The following PITPNC1 variants were observed in gnomAD, a reference collection of about 807,000 sequenced individuals.
PITPNC1 encodes phosphatidylinositol transfer protein cytoplasmic 1.
PITPNC1 carries 18 observed loss-of-function variants against 44.7 expected under a neutral mutation model. That is an observed-to-expected ratio of 0.40 (90% CI 0.28 to 0.60). PITPNC1 has a LOEUF of 0.60. Ranked by LOEUF, PITPNC1 falls within the 20% of genes least tolerant of loss-of-function variation. The pLI is 0.39. For missense variants in PITPNC1, 290 were observed against 418.4 expected (o/e 0.69, Z 2.68); for synonymous variants, 141 against 149.6 (o/e 0.94, Z 0.42).
intron 1 of PITPNC1, among the ~76,000 whole-genome samples, chr17:67,398,093 CAAAA>C (rs534488396): frequency 1.5e-4 from 15 of 97,822 alleles, no homozygotes; most frequent in African/African-American, 1.7e-4. Flanking sequence ...ACTCCGTCTC[CAAAA>C]AAAAAAAAAA....
At chr17:67,467,978 G>A (rs1249552110) in intron 1 of PITPNC1, among the ~76,000 whole-genome samples, 1 of 152,174 alleles carries the variant, frequency 6.6e-6, no homozygotes, top group African/African-American at 2.4e-5. Flanking sequence ...TGGTGCTGGG[G>A]CAGAGTGGGA....
chr17:67,461,038 C>T (rs372693642), intron 1 of PITPNC1, among the ~76,000 whole-genome samples: 14 of 152,116 alleles, frequency 9.2e-5, no homozygotes, highest in East Asian at 7.7e-4. Flanking sequence ...CCACTGCGCC[C>T]GGCCAGTGTG....
chr17:67,594,958 T>C (rs2041441150), intron 5 of PITPNC1, among the ~76,000 whole-genome samples: 1 of 152,242 alleles, frequency 6.6e-6, no homozygotes, highest in Non-Finnish European at 1.5e-5. Context: ...AACACGGCCA[T>C]TGTTTTTCAT....
chr17:67,432,934 A>G, intron 1 of PITPNC1, among the ~76,000 whole-genome samples: 1 of 152,172 alleles, frequency 6.6e-6, no homozygotes, highest in East Asian at 1.9e-4. Context: ...AGGTGCTTAT[A>G]TTCTGGAGGT....
intron 1 of PITPNC1, among the ~76,000 whole-genome samples, chr17:67,463,654 C>T (rs1056960524): frequency 6.6e-6 from 1 of 152,112 alleles, no homozygotes; most frequent in South Asian, 2.1e-4. Flanking sequence ...AATCCCAGCA[C>T]CTTGGGAGGC....
intron 1 of PITPNC1, among the ~76,000 whole-genome samples, chr17:67,446,446 C>T (rs1338752468): frequency 6.7e-6 from 1 of 150,022 alleles, no homozygotes; most frequent in Non-Finnish European, 1.5e-5. Flanking sequence ...AAGAATATGC[C>T]AGCTTCACCA....
At chr17:67,437,554 G>A (rs1471745466) in intron 1 of PITPNC1, among the ~76,000 whole-genome samples, 1 of 152,146 alleles carries the variant, frequency 6.6e-6, no homozygotes, top group Non-Finnish European at 1.5e-5. Flanking sequence ...GTGATACTGT[G>A]TTTCTGCAGC....
At chr17:67,541,078 G>A (rs1353578371) in intron 2 of PITPNC1, among the ~76,000 whole-genome samples, 1 of 152,096 alleles carries the variant, frequency 6.6e-6, no homozygotes, top group South Asian at 2.1e-4. Flanking sequence ...CGCCAGGAGC[G>A]GTGTCAGACG....
intron 6 of PITPNC1, among the ~76,000 whole-genome samples, chr17:67,660,088 C>T (rs2042321920): frequency 6.6e-6 from 1 of 152,136 alleles, no homozygotes; most frequent in African/African-American, 2.4e-5. Flanking sequence ...TGCCATGTGG[C>T]CCAGGCTGGT....
intron 1 of PITPNC1, among the ~76,000 whole-genome samples, chr17:67,502,856 G>A (rs988756645): frequency 8.6e-5 from 13 of 151,866 alleles, no homozygotes; most frequent in African/African-American, 1.9e-4. Context: ...ATAGTGGCGC[G>A]ATCTTGGCTC....
chr17:67,389,668 T>TTTGTTG (rs141781886), intron 1 of PITPNC1, among the ~76,000 whole-genome samples: 2 of 151,666 alleles, frequency 1.3e-5, no homozygotes, highest in Non-Finnish European at 2.9e-5. Flanking sequence ...TGTTTTTTGT[T>TTTGTTG]TTGTTGTTGT....
intron 2 of PITPNC1, among the ~76,000 whole-genome samples, chr17:67,533,609 G>T (rs2040492096): frequency 6.6e-6 from 1 of 152,238 alleles, no homozygotes; most frequent in African/African-American, 2.4e-5. Context: ...AGTGCTGGAG[G>T]TGGCAATGCA....
chr17:67,569,965 A>G (rs551189481), intron 4 of PITPNC1, among the ~76,000 whole-genome samples: 1 of 152,304 alleles, frequency 6.6e-6, no homozygotes, highest in Non-Finnish European at 1.5e-5. Context: ...CAGAGGAGGA[A>G]GAAGAGGTGG....
chr17:67,586,102 A>C (rs2041312402), intron 5 of PITPNC1, among the ~76,000 whole-genome samples: 3 of 152,144 alleles, frequency 2.0e-5, no homozygotes, highest in Non-Finnish European at 4.4e-5. Flanking sequence ...GAGCATTAGG[A>C]GTGAGAATAA....
chr17:67,498,885 T>C (rs1191925002), intron 1 of PITPNC1, among the ~76,000 whole-genome samples: 1 of 151,772 alleles, frequency 6.6e-6, no homozygotes, highest in Non-Finnish European at 1.5e-5. Context: ...TTTGTTTTTT[T>C]TTTTGAGATG....
intron 7 of PITPNC1, among the ~76,000 whole-genome samples, chr17:67,671,858 C>A (rs780760828): frequency 1.3e-5 from 2 of 152,322 alleles, no homozygotes; most frequent in Admixed American, 1.3e-4. Flanking sequence ...TGGTTTCCCA[C>A]AGCATCCCTT....
chr17:67,403,491 A>G (rs1293606498), intron 1 of PITPNC1, among the ~76,000 whole-genome samples: 1 of 152,218 alleles, frequency 6.6e-6, no homozygotes, highest in Non-Finnish European at 1.5e-5. Context: ...ATAATTATAT[A>G]TGTGTCCGTG....
intron 1 of PITPNC1, among the ~76,000 whole-genome samples, chr17:67,511,270 C>A (rs757669312): frequency 3.9e-5 from 6 of 152,092 alleles, no homozygotes; most frequent in Non-Finnish European, 5.9e-5. Context: ...TGGAGTTTTT[C>A]CAGCTTTGTT....
At chr17:67,442,220 T>TGTTTTGTTGTCTTTGATACTATGAAGGG (rs1567991364) in intron 1 of PITPNC1, among the ~76,000 whole-genome samples, 1 of 92,352 alleles carries the variant, frequency 1.1e-5, no homozygotes, top group Non-Finnish European at 2.2e-5. Context: ...TATATATATA[T>TGTTTTGTTGTCTTTGATACTATGAAGGG]ATATATATAT....
Sources: allele counts gnomAD v4.1 joint callset (sites outside exome capture counted in the v4.1 genomes callset), GRCh38; gene constraint gnomAD v4.1.1; transcripts MANE v1.5; gene names NCBI Gene and HGNC (gene_info 2026-07-23, HGNC 2026-07-21).